Variants in CLUL1 observed in about 807,000 individuals in gnomAD.
The protein encoded by CLUL1 is clusterin like 1, also known as clusterin-like protein 1.
CLUL1 carries 43 observed loss-of-function variants against 49.4 expected under a neutral mutation model. That is an observed-to-expected ratio of 0.87 (90% CI 0.68 to 1.12). The LOEUF is 1.12. Ranked by LOEUF, CLUL1 falls within the 50% of genes most tolerant of loss-of-function variation. The pLI, the probability that CLUL1 is intolerant of heterozygous loss-of-function variation, is 0.00. For synonymous variants in CLUL1, 192 were observed against 184.9 expected, an observed-to-expected ratio of 1.04 and a Z score of -0.31; for missense variants, 486 against 544.4, an observed-to-expected ratio of 0.89 and a Z score of 1.07.
intron 2 of CLUL1, chr18:616,583 A>G: frequency 3.9e-6 from 1 of 257,622 alleles, no homozygotes; most frequent in Non-Finnish European, 6.1e-6. Context: ...TCTGAACAGT[A>G]CCAAATTTTA....
intron 4 of CLUL1, among the ~76,000 whole-genome samples, chr18:620,869 T>A (rs905299995): frequency 2.6e-5 from 4 of 152,164 alleles, no homozygotes; most frequent in African/African-American, 9.7e-5. Context: ...ATGACTTTTT[T>A]AAAAAAGGTT....
rs1197741285 is a variant in CLUL1, at chr18:633,383, A to T, written c.942A>T (p.Arg314Ser). The change falls in exon 7 of 10, where the codon AGA becomes AGT. Residue 314 changes from arginine to serine, a missense_variant. Arg to Ser is a moderately radical substitution (Grantham distance 110). Transcript: ENST00000692774. ...GGGAACTTGACCAGAATTTGTCAAG[A>T]TGTTTCAAATTTCATGAAAAATGCC... ...LCGELDQNLS[R>S]CFKFHEKCQK... is the part of the protein sequence containing the mutation. 3 of 1,613,762 alleles carry T rather than the reference A, an allele frequency of 1.9e-6. No homozygotes were observed.
In CLUL1 at chr18:627,277, T is replaced by C; in HGVS notation, c.604T>C (p.Phe202Leu). The change falls in exon 6 of 10, where the codon TTC becomes CTC. Residue 202 changes from phenylalanine (F) to leucine (L), a missense_variant. By Grantham distance (22) the Phe-to-Leu change is conservative. Transcript: ENST00000692774. ...TCTCTTTAACAGGAGTTTTAACGTCTTCAGACAGATGCAGCAAGAGTTTGA... is the reference window on the plus strand; with the variant it reads ...TCTCTTTAACAGGAGTTTTAACGTCCTCAGACAGATGCAGCAAGAGTTTGA... ...NSLFNRSFNV[F>L]RQMQQEFDQT... 7 of 1,614,106 alleles carry C rather than the reference T, an allele frequency of 4.3e-6. No individual in the cohort carries two copies. Among genetic ancestry groups the C allele is most frequent in the Non-Finnish European group, 5.9e-6 (7 of 1,180,012 alleles).
rs187275278 is a variant in CLUL1 at position 645,107 on chromosome 18, G to A, written c.1397+10G>A. The A allele has an allele frequency of 1.9e-6, 3 of 1,577,322 alleles. No homozygotes were observed. The highest frequency in any genetic ancestry group is 2.6e-6 in the Non-Finnish European group (3 of 1,162,820). The stretch of plus-strand genomic sequence containing the variant: ...AACATTTTAAAACCTGGTAAGCAGA[G>A]TGCCTGGTTAGGAATGCCTTGTTGA... On this transcript the variant is annotated intron_variant, in intron 9 of 9. Coordinates refer to ENST00000692774, the MANE Select transcript of CLUL1 (RefSeq NM_001393344.1).
intron 4 of CLUL1, among the ~76,000 whole-genome samples, chr18:624,553 C>G (rs924472251): frequency 2.0e-5 from 3 of 152,146 alleles, no homozygotes; most frequent in Non-Finnish European, 2.9e-5. Context: ...GTTCCCAGAT[C>G]GGGATGGCAT....
intron 7 of CLUL1, among the ~76,000 whole-genome samples, chr18:639,430 C>CAA (rs11357641): frequency 1.5e-4 from 11 of 71,944 alleles, no homozygotes; most frequent in South Asian, 5.9e-4. Flanking sequence ...GACTCCATCT[C>CAA]AAAAAAAAAA....
At chr18:620,953 T>G (rs1434551827) in intron 4 of CLUL1, among the ~76,000 whole-genome samples, 2 of 152,228 alleles carry the variant, frequency 1.3e-5, no homozygotes, top group Admixed American at 6.5e-5. Context: ...ATATTTTCAA[T>G]TTTAATGTTG....
At chr18:615,209 T>G (rs940193234) in intron 2 of CLUL1, among the ~76,000 whole-genome samples, 7 of 152,186 alleles carry the variant, frequency 4.6e-5, no homozygotes, top group African/African-American at 1.7e-4. Context: ...TTGCTTAATC[T>G]TAAGAACAAA....
At chr18:626,916 A>T (rs1285978302) in intron 5 of CLUL1, among the ~76,000 whole-genome samples, 181 bp from the exon 6 acceptor site, 1 of 1,502 alleles carries the variant, frequency 6.7e-4, no homozygotes, top group African/African-American at 7.2e-4. Context: ...AGAAAGAAAG[A>T]AAGAAAGAAA....
chr18:639,956 ATATGT>A (rs894570002), intron 7 of CLUL1, among the ~76,000 whole-genome samples: 4 of 152,124 alleles, frequency 2.6e-5, no homozygotes, highest in African/African-American at 9.7e-5. Flanking sequence ...ATGAAATTAG[ATATGT>A]TAGTTAATAT....
At position 641,554 on chromosome 18, in the gene CLUL1, C is replaced by G. The variant is rs755320546; in HGVS notation, c.1209+13C>G. 3.7e-6 allele frequency: 6 copies of G among 1,605,810 alleles called. No homozygotes were observed. The African/African-American group carries it at 8.0e-5, about 21-fold the overall frequency. On this transcript the variant is annotated intron_variant, in intron 8 of 9. Coordinates refer to ENST00000692774, the MANE Select transcript of CLUL1 (RefSeq NM_001393344.1). The stretch of plus-strand genomic sequence containing the variant: ...TAATTCAATACAGGTAAAGGAGAGA[C>G]CCAAGAGCAGATACGGAAATGACAC...
chr18:613,102 T>C, intron 2 of CLUL1: 2 of 381,464 alleles, frequency 5.2e-6, no homozygotes, highest in Non-Finnish European at 9.4e-6. Flanking sequence ...CAATGCCTAC[T>C]TTTGCTACTT....
intron 4 of CLUL1, among the ~76,000 whole-genome samples, chr18:624,664 A>G (rs1267747365): frequency 1.3e-5 from 2 of 152,250 alleles, no homozygotes; most frequent in Non-Finnish European, 2.9e-5. Flanking sequence ...AATAAGATTT[A>G]CAGTCTTCAA....
chr18:645,209 T>A, intron 9 of CLUL1, 112 bp downstream of exon 9: 1 of 764,092 alleles, frequency 1.3e-6, no homozygotes, highest in South Asian at 3.2e-5. Context: ...ACCTCATTAA[T>A]AAAGACATGA....
intron 1 of CLUL1, among the ~76,000 whole-genome samples, chr18:601,511 G>T (rs1429869790): frequency 1.3e-5 from 2 of 152,132 alleles, no homozygotes; most frequent in Non-Finnish European, 2.9e-5. Flanking sequence ...GTTGTGCGTG[G>T]TGAAGTGTGC....
chr18:621,562 T>A (rs1460577132), intron 4 of CLUL1, among the ~76,000 whole-genome samples: 1 of 152,218 alleles, frequency 6.6e-6, no homozygotes, highest in Non-Finnish European at 1.5e-5. Context: ...CCAGCTGGGA[T>A]CTTCCCTGGT....
intron 6 of CLUL1, among the ~76,000 whole-genome samples, chr18:628,639 C>CTTTTTTT (rs577855173): frequency 1.5e-5 from 2 of 137,584 alleles, no homozygotes; most frequent in African/African-American, 2.7e-5. Context: ...TTTCTTTTTT[C>CTTTTTTT]TTTTTTTTTT....
In CLUL1 at chr18:645,803, AAAAAAAAATATATATATATATATAT is replaced by A. The variant is rs1470851828; in HGVS notation, c.1397+708_1397+732del. Reference sequence around the variant, plus strand: ...AGCGAGACTCTGTTTAAAAAAAAAAAAAAAAAAATATATATATATATATATATATATATATATATATATATATATG... The same window carrying A: ...AGCGAGACTCTGTTTAAAAAAAAAAAATATATATATATATATATATATATG... On this transcript the variant is annotated intron_variant, in intron 9 of 9. Transcript: ENST00000692774. Among the ~76,000 whole-genome samples the A allele has an allele frequency of 8.0e-3, 405 of 50,882 alleles. 67 individuals carry two copies. The highest frequency in any genetic ancestry group is 0.03 in the African/African-American group (384 of 12,614). 33.4% of individuals were successfully genotyped at this position (50,882 alleles called of 152,430 possible).
chr18:634,575 C>T lies in CLUL1; in HGVS notation c.994+1140C>T, dbSNP rs112011766. The stretch of plus-strand genomic sequence containing the variant: ...AACCTTGAGCAAATTAGCGCAACTC[C>T]TTCCTTCTTACCGCAAGCAAAAAGA... On this transcript the variant is annotated intron_variant, in intron 7 of 9. Coordinates refer to ENST00000692774, the MANE Select transcript of CLUL1 (RefSeq NM_001393344.1). Among the ~76,000 whole-genome samples the T allele has an allele frequency of 5.3e-3, 803 of 152,222 alleles. 7 individuals are homozygous for T. The highest frequency in any genetic ancestry group is 0.018 in the African/African-American group (732 of 41,534).
Sources: allele counts gnomAD v4.1 joint callset (sites outside exome capture counted in the v4.1 genomes callset), GRCh38; gene constraint gnomAD v4.1.1; transcripts MANE v1.5; gene names NCBI Gene and HGNC (gene_info 2026-07-23, HGNC 2026-07-21).